ELP4: variants seen among roughly 807,000 people sequenced by gnomAD.
ELP4 encodes the protein elongator acetyltransferase complex subunit 4, also known as elongator complex protein 4.
ELP4 carries 51 observed loss-of-function variants against 48.9 expected under a neutral mutation model. That is an observed-to-expected ratio of 1.04 (90% CI 0.83 to 1.32). ELP4 has a LOEUF of 1.32. Among genes scored for constraint, ELP4 ranks in the 40% most tolerant of loss-of-function variants. The pLI, the probability that ELP4 is intolerant of heterozygous loss-of-function variation, is 0.00. For synonymous variants in ELP4, 210 were observed against 189.2 expected, an observed-to-expected ratio of 1.11 and a Z score of -0.90; for missense variants, 519 against 514.6, an observed-to-expected ratio of 1.01 and a Z score of -0.08.
chr11:31,536,556 T>C (rs1956504924), intron 2 of ELP4, among the ~76,000 whole-genome samples: 2 of 152,152 alleles, frequency 1.3e-5, no homozygotes, highest in Admixed American at 6.5e-5. Flanking sequence ...TTCGCTATGT[T>C]GGCCAGGCTA....
intron 5 of ELP4, 81 bp from the exon 6 acceptor site, chr11:31,627,029 T>C (rs1944759038): frequency 6.7e-6 from 5 of 749,194 alleles, no homozygotes; most frequent in Admixed American, 6.3e-5. Context: ...TTTTAATTAT[T>C]TACTTAATGT....
intron 9 of ELP4, among the ~76,000 whole-genome samples, chr11:31,690,076 G>A (rs542622691): frequency 6.6e-6 from 1 of 152,130 alleles, no homozygotes; most frequent in Non-Finnish European, 1.5e-5. Flanking sequence ...TTAATCCTTA[G>A]ATTAATTCCT....
chr11:31,678,531 GTGTGTGTGTGTA>G (rs200582944), intron 9 of ELP4, among the ~76,000 whole-genome samples: 21,833 of 135,342 alleles, frequency 0.16, 1,816 homozygotes, highest in East Asian at 0.28. Context: ...GTGTGTGTGT[GTGTGTGTGTGTA>G]TATGTGCATT....
At chr11:31,630,896 A>G (rs1488613369) in intron 6 of ELP4, among the ~76,000 whole-genome samples, 1 of 152,038 alleles carries the variant, frequency 6.6e-6, no homozygotes, top group African/African-American at 2.4e-5. Flanking sequence ...CATAAGCTAT[A>G]GTAAGGCCAC....
At chr11:31,668,675 C>CGTGTGTGTGTGTGTGTGTGTGTGT (rs367795416) in intron 9 of ELP4, among the ~76,000 whole-genome samples, 6 of 121,038 alleles carry the variant, frequency 5.0e-5, no homozygotes, top group East Asian at 2.7e-4. Context: ...CCTTTGGTAC[C>CGTGTGTGTGTGTGTGTGTGTGTGT]GTGTGTGTGT....
chr11:31,551,745 A>C (rs947603045), intron 3 of ELP4, among the ~76,000 whole-genome samples: 12 of 152,184 alleles, frequency 7.9e-5, no homozygotes, highest in South Asian at 2.1e-4. Context: ...ATGGAATTTC[A>C]GTTAGTAAAT....
intron 7 of ELP4, among the ~76,000 whole-genome samples, chr11:31,641,251 A>G (rs956728430): frequency 2.6e-5 from 4 of 151,780 alleles, no homozygotes; most frequent in Admixed American, 2.6e-4. Flanking sequence ...TTCCCTGTAT[A>G]GTTGATTTAT....
intron 2 of ELP4, among the ~76,000 whole-genome samples, chr11:31,526,657 T>G (rs1201315400): frequency 6.6e-6 from 1 of 152,020 alleles, no homozygotes; most frequent in Non-Finnish European, 1.5e-5. Context: ...TCCTCAAAAC[T>G]TACCTCTATT....
chr11:31,599,294 T>C (rs1007627948), intron 4 of ELP4: 2 of 152,214 alleles, frequency 1.3e-5, no homozygotes, highest in African/African-American at 4.8e-5. Context: ...TACAGTGAGT[T>C]GTATCCAATT....
intron 3 of ELP4, among the ~76,000 whole-genome samples, chr11:31,567,366 C>T (rs1209256018): frequency 6.6e-6 from 1 of 152,134 alleles, no homozygotes; most frequent in African/African-American, 2.4e-5. Context: ...TCCTAAAAAG[C>T]CAGGATTTTT....
At chr11:31,616,002 T>A (rs1018306228) in intron 5 of ELP4, among the ~76,000 whole-genome samples, 1 of 152,098 alleles carries the variant, frequency 6.6e-6, no homozygotes, top group Non-Finnish European at 1.5e-5. Flanking sequence ...CTCATTTAAT[T>A]CTTCAAAAAT....
chr11:31,724,110 T>C (rs1031993524), intron 9 of ELP4, among the ~76,000 whole-genome samples: 1 of 152,162 alleles, frequency 6.6e-6, no homozygotes, highest in South Asian at 2.1e-4. Context: ...ATGTAGCTAA[T>C]TAATGACAGA....
chr11:31,641,820 A>T (rs1181513119), intron 7 of ELP4, among the ~76,000 whole-genome samples: 2 of 151,964 alleles, frequency 1.3e-5, no homozygotes, highest in Non-Finnish European at 2.9e-5. Flanking sequence ...TTCTAAGCTG[A>T]TTTTAAACTT....
At chr11:31,658,187 A>G (rs1003660178) in intron 9 of ELP4, among the ~76,000 whole-genome samples, 5 of 152,056 alleles carry the variant, frequency 3.3e-5, no homozygotes, top group Non-Finnish European at 7.4e-5. Flanking sequence ...GGATTCTTCA[A>G]TAAAAAATGT....
At chr11:31,660,605 T>A (rs1437179578) in intron 9 of ELP4, among the ~76,000 whole-genome samples, 1 of 152,114 alleles carries the variant, frequency 6.6e-6, no homozygotes, top group Non-Finnish European at 1.5e-5. Context: ...TAGTTACAGC[T>A]TTTAAGGGAA....
intron 3 of ELP4, among the ~76,000 whole-genome samples, chr11:31,549,314 T>A (rs34618943): frequency 0.4 from 60,164 of 151,280 alleles, 15,962 homozygotes; most frequent in African/African-American, 0.76. Context: ...ACCCCATCAA[T>A]AAGTGGGCGA....
chr11:31,546,444 A>C (rs1268272755), intron 3 of ELP4, among the ~76,000 whole-genome samples: 4 of 152,194 alleles, frequency 2.6e-5, no homozygotes, highest in Non-Finnish European at 5.9e-5. Flanking sequence ...ACTATCCTAA[A>C]TATATATGCA....
At chr11:31,721,814 G>A (rs1006912342) in intron 9 of ELP4, among the ~76,000 whole-genome samples, 11 of 152,064 alleles carry the variant, frequency 7.2e-5, no homozygotes, top group Non-Finnish European at 1.3e-4. Flanking sequence ...TCCACGATAC[G>A]TTTATTTTGT....
chr11:31,603,832 A>G lies in ELP4; in HGVS notation c.578A>G (p.Glu193Gly). 1 of 1,611,406 alleles carries G rather than the reference A, an allele frequency of 6.2e-7. No homozygotes were observed. Among genetic ancestry groups the G allele is most frequent in the South Asian group, 1.1e-5 (1 of 90,848 alleles). ...YYDASKRMPQ[E>G]LIEASNWHGF... Reference sequence around the variant, plus strand: ...GATGCATCAAAAAGAATGCCACAAGAACTAATTGAGGCTTCAAATTGGCAT... The same window carrying G: ...GATGCATCAAAAAGAATGCCACAAGGACTAATTGAGGCTTCAAATTGGCAT... Residue 193 changes from glutamate (E) to glycine (G), a missense_variant, in exon 5 of 10, where the codon GAA becomes GGA. Transcript: ENST00000640961.
Sources: allele counts gnomAD v4.1 joint callset (sites outside exome capture counted in the v4.1 genomes callset), GRCh38; gene constraint gnomAD v4.1.1; transcripts MANE v1.5; gene names NCBI Gene and HGNC (gene_info 2026-07-23, HGNC 2026-07-21).